The following RELL1 variants were observed in gnomAD, a reference collection of about 807,000 sequenced individuals.
RELL1 encodes RELT like 1, also known as RELT-like protein 1.
In RELL1, 10 loss-of-function variants were observed where a neutral mutation model predicts 23.0. The observed-to-expected ratio is 0.43, with a 90% confidence interval of 0.27 to 0.74. The LOEUF is 0.74. RELL1 is among the 30% of genes least tolerant of loss of function. The pLI is 0.19. For synonymous variants in RELL1, 146 were observed against 146.8 expected (o/e 0.99, Z 0.04); for missense variants, 315 against 364.4 (o/e 0.86, Z 1.10).
At position 37,592,722 on chromosome 4, in the gene RELL1, C is replaced by T. The variant is rs575272667; in HGVS notation, c.*4-1505G>A. 8.7e-4 allele frequency among the ~76,000 whole-genome samples: 133 copies of T among 152,186 alleles called. 1 individual carries two copies. Among genetic ancestry groups the T allele is most frequent in the Non-Finnish European group, 3.2e-4 (22 of 68,030 alleles). On this transcript the variant is annotated intron_variant, in intron 6 of 6. Transcript: ENST00000314117. The stretch of plus-strand genomic sequence containing the variant: ...GTGACCTTGGACAAGTTATGTATCC[C>T]TTTACCCATCTGTAAAGTGAGAAGA...
chr4:37,660,760 G>C (rs369796100), intron 1 of RELL1, among the ~76,000 whole-genome samples: 1 of 152,140 alleles, frequency 6.6e-6, no homozygotes, highest in African/African-American at 2.4e-5. Context: ...GGCCGGGCGC[G>C]GTGGCTCACG....
chr4:37,590,923 G>A (rs1489150169), exon 7 of RELL1: 5 of 1,614,246 alleles, frequency 3.1e-6, no homozygotes, highest in South Asian at 1.1e-5. Flanking sequence ...GATTGTGGAC[G>A]AGGATGCAGC....
intron 1 of RELL1, among the ~76,000 whole-genome samples, chr4:37,670,409 T>C (rs1721795803): frequency 6.6e-6 from 1 of 152,198 alleles, no homozygotes; most frequent in Non-Finnish European, 1.5e-5. Flanking sequence ...TTCCATTGGT[T>C]GGAGGCAGAG....
chr4:37,595,253 C>G (rs562590357), intron 6 of RELL1, among the ~76,000 whole-genome samples: 1 of 152,192 alleles, frequency 6.6e-6, no homozygotes. Flanking sequence ...ACAAACCACA[C>G]CTAAGTGGTC....
chr4:37,647,073 G>T (rs139423820), intron 3 of RELL1, among the ~76,000 whole-genome samples: 24 of 152,284 alleles, frequency 1.6e-4, no homozygotes, highest in African/African-American at 5.1e-4. Context: ...TCTACCTCAT[G>T]AAACAAGGCA....
intron 6 of RELL1, chr4:37,591,950 T>A (rs1284360513): frequency 6.6e-6 from 1 of 152,250 alleles, no homozygotes; most frequent in Non-Finnish European, 1.5e-5. Context: ...GGCTCATGCC[T>A]GTAATCCCAG....
chr4:37,605,799 GAA>G (rs879856202), downstream of RELL1, among the ~76,000 whole-genome samples: 3,043 of 88,652 alleles, frequency 0.034, 122 homozygotes, highest in African/African-American at 0.086. Context: ...GAAAGAGAAA[GAA>G]AGAAAGAAAG....
At chr4:37,636,423 A>G (rs1256880331) in intron 4 of RELL1, among the ~76,000 whole-genome samples, 1 of 151,934 alleles carries the variant, frequency 6.6e-6, no homozygotes, top group African/African-American at 2.4e-5. Context: ...ATGAAACCCC[A>G]TCTCTACTAA....
intron 5 of RELL1, among the ~76,000 whole-genome samples, chr4:37,632,222 A>C (rs2109259766): frequency 6.7e-6 from 1 of 148,566 alleles, no homozygotes; most frequent in South Asian, 2.3e-4. Flanking sequence ...CCCAGACTGG[A>C]GTGCAGTGGT....
At chr4:37,590,849 C>T (rs773740387) in exon 7 of RELL1, 17 of 1,614,176 alleles carry the variant, frequency 1.1e-5, no homozygotes, top group Admixed American at 1.7e-5. Context: ...CATGCCATGC[C>T]TGTGGTTGAC....
chr4:37,644,974 C>A (rs1720660125), intron 3 of RELL1, among the ~76,000 whole-genome samples: 1 of 152,112 alleles, frequency 6.6e-6, no homozygotes, highest in Non-Finnish European at 1.5e-5. Flanking sequence ...GCAACACTGG[C>A]AACTTAGTTA....
intron 1 of RELL1, among the ~76,000 whole-genome samples, chr4:37,684,779 C>T (rs747623054): frequency 6.6e-6 from 1 of 151,996 alleles, no homozygotes; most frequent in Non-Finnish European, 1.5e-5. Flanking sequence ...ATGGCAAAAC[C>T]CCATCTCTAC....
rs566064994 is a variant in RELL1 at position 37,595,727 on chromosome 4, G to GA, written c.*4-4511dup. On this transcript the variant is annotated intron_variant, in intron 6 of 6. Transcript: ENST00000314117. ...ATAATGAGGCTTGTGGTGGTCTGTG[G>GA]AAAAGTGGACAGAGTAGAATTTGGG... is the stretch of plus-strand genomic sequence containing the variant. 9.8e-4 allele frequency among the ~76,000 whole-genome samples: 149 copies of GA among 152,286 alleles called. 1 individual carries two copies. The highest frequency in any genetic ancestry group is 1.7e-3 in the South Asian group (8 of 4,820).
chr4:37,604,888 GACACACACACAGAC>G lies in RELL1; in HGVS notation c.*4-13685_*4-13672del, dbSNP rs1719138955. Among the ~76,000 whole-genome samples the G allele has an allele frequency of 3.6e-4, 23 of 63,472 alleles. 1 individual carries two copies. Among genetic ancestry groups the G allele is most frequent in the South Asian group, 1.4e-3 (3 of 2,118 alleles). 41.6% of individuals were successfully genotyped at this position (63,472 alleles called of 152,430 possible). On this transcript the variant is annotated intron_variant, in intron 6 of 6. Coordinates refer to the RELL1 transcript ENST00000314117. ...ACAGACACACACACACATACACACAGACACACACACAGACACACACACACACACACAGACACACA... is the reference window on the plus strand; with the variant it reads ...ACAGACACACACACACATACACACAGACACACACACACACACAGACACACA...
chr4:37,670,647 T>C (rs558303497), intron 1 of RELL1, among the ~76,000 whole-genome samples: 3 of 151,964 alleles, frequency 2.0e-5, no homozygotes, highest in African/African-American at 7.2e-5. Context: ...CTCTGCTCAC[T>C]GCAACCTCTG....
intron 6 of RELL1, chr4:37,591,300 A>G: frequency 3.6e-6 from 1 of 280,710 alleles, no homozygotes; most frequent in African/African-American, 2.2e-5. Flanking sequence ...CAACCCTCAA[A>G]CATCTTTGAG....
chr4:37,669,461 G>T (rs867068814), intron 1 of RELL1, among the ~76,000 whole-genome samples: 2 of 150,702 alleles, frequency 1.3e-5, no homozygotes, highest in Non-Finnish European at 3.0e-5. Flanking sequence ...GGTGAGGGGC[G>T]CCTCTGCCCG....
downstream of RELL1, chr4:37,588,972 C>T (rs367671308): frequency 3.1e-4 from 348 of 1,127,020 alleles, 1 homozygote; most frequent in Middle Eastern, 3.9e-4. Context: ...AAAGACCATG[C>T]GTGTATTCAG....
chr4:37,599,620 G>A (rs1718964839), intron 6 of RELL1, among the ~76,000 whole-genome samples: 1 of 152,168 alleles, frequency 6.6e-6, no homozygotes, highest in South Asian at 2.1e-4. Flanking sequence ...AGGACTTTTG[G>A]TGACAAGGAA....
Sources: allele counts gnomAD v4.1 joint callset (sites outside exome capture counted in the v4.1 genomes callset), GRCh38; gene constraint gnomAD v4.1.1; transcripts MANE v1.5; gene names NCBI Gene and HGNC (gene_info 2026-07-23, HGNC 2026-07-21).